GLRA3: variants seen among roughly 807,000 people sequenced by gnomAD.
The protein encoded by GLRA3 is glycine receptor subunit alpha-3.
A neutral mutation model predicts 60.4 loss-of-function variants in GLRA3; 44 were observed. The ratio of observed to expected loss-of-function variants is 0.73; its 90% CI spans 0.57 to 0.94. The LOEUF (loss-of-function observed/expected upper bound fraction) is 0.94. GLRA3 is among the 40% of genes least tolerant of loss of function. The pLI is 0.00. For missense variants in GLRA3, 508 were observed against 564.6 expected (o/e 0.90, Z 1.02); for synonymous variants, 223 against 192.9 (o/e 1.16, Z -1.29).
intron 1 of GLRA3, among the ~76,000 whole-genome samples, chr4:174,806,272 T>G (rs1033954871): frequency 1.6e-4 from 24 of 152,022 alleles, no homozygotes; most frequent in Admixed American, 1.3e-4. Flanking sequence ...AAGGTGTAAT[T>G]CCCCAAAACA....
chr4:174,745,122 G>T (rs2111180273), intron 3 of GLRA3, among the ~76,000 whole-genome samples: 1 of 152,184 alleles, frequency 6.6e-6, no homozygotes. Flanking sequence ...AAAAAAGAAT[G>T]AACAAAATCT....
At chr4:174,726,262 G>T (rs1202828769) in intron 4 of GLRA3, among the ~76,000 whole-genome samples, 1 of 152,184 alleles carries the variant, frequency 6.6e-6, no homozygotes, top group Non-Finnish European at 1.5e-5. Context: ...GCTCTGTGAG[G>T]TATGAAGCTC....
chr4:174,774,430 G>A (rs1471450983), intron 2 of GLRA3, among the ~76,000 whole-genome samples: 2 of 150,914 alleles, frequency 1.3e-5, no homozygotes, highest in African/African-American at 2.4e-5. Flanking sequence ...TTATATGTGT[G>A]GGTATATATA....
At chr4:174,713,588 C>T (rs1641289584) in intron 5 of GLRA3, 1 of 152,106 alleles carries the variant, frequency 6.6e-6, no homozygotes, top group Non-Finnish European at 1.5e-5. Context: ...TTTTCAAGTA[C>T]CTTACAAAAC....
In GLRA3 at chr4:174,637,547, A is replaced by T. The variant is rs1202059007; in HGVS notation, c.*6239T>A. 1 of 152,226 alleles carries T rather than the reference A, an allele frequency of 6.6e-6. No homozygotes were observed. Among genetic ancestry groups the T allele is most frequent in the East Asian group, 1.9e-4 (1 of 5,198 alleles). 9.4% of individuals were successfully genotyped at this position (152,226 alleles called of 1,614,324 possible). A position where few individuals can be genotyped will look rare whatever the true frequency, so the allele number is the denominator to read the frequency against. On this transcript the variant is annotated 3_prime_UTR_variant, in exon 10 of 10. Coordinates refer to ENST00000274093, the MANE Select transcript of GLRA3 (RefSeq NM_006529.4). ...GCCATTTAAGTCACAGCTCCCTAGT[A>T]TTAACCACCCAGGCTGGATACTGTG...
rs546844313 is a variant in GLRA3 at position 174,753,230 on chromosome 4, A to C, written c.267+13733T>G. ...GTCTGGCATGTTTGAATCCTTCTGA[A>C]GCATTTAGTTGGCTTGTTGTTTTGT... On this transcript the variant is annotated intron_variant, in intron 3 of 9. Transcript: ENST00000274093. Among the ~76,000 whole-genome samples, 28 of 152,232 alleles carry C rather than the reference A, an allele frequency of 1.8e-4. No homozygotes were observed. The East Asian group carries it at 5.2e-3, about 28-fold the overall frequency.
At chr4:174,747,251 G>A (rs75096508) in intron 3 of GLRA3, among the ~76,000 whole-genome samples, 1,756 of 152,230 alleles carry the variant, frequency 0.012, 21 homozygotes, top group Non-Finnish European at 0.017. Context: ...AAGAGTAGTC[G>A]ATGAAGGAAC....
intron 7 of GLRA3, among the ~76,000 whole-genome samples, chr4:174,672,043 G>T (rs922990677): frequency 6.6e-6 from 1 of 152,154 alleles, no homozygotes; most frequent in South Asian, 2.1e-4. Flanking sequence ...AGTAATCATT[G>T]ACCATAAACA....
intron 7 of GLRA3, among the ~76,000 whole-genome samples, chr4:174,666,383 C>T (rs1733663070): frequency 6.6e-6 from 1 of 151,892 alleles, no homozygotes; most frequent in Admixed American, 6.6e-5. Flanking sequence ...TGAAGCAAAA[C>T]TATTAAGATA....
intron 1 of GLRA3, among the ~76,000 whole-genome samples, chr4:174,798,194 G>T (rs1423506884): frequency 2.0e-5 from 3 of 152,114 alleles, no homozygotes; most frequent in African/African-American, 4.8e-5. Flanking sequence ...AATGACTCTT[G>T]GGGAACAAAT....
intron 3 of GLRA3, among the ~76,000 whole-genome samples, chr4:174,736,675 C>A (rs948685378): frequency 1.3e-5 from 2 of 152,014 alleles, no homozygotes; most frequent in Admixed American, 1.3e-4. Flanking sequence ...GTGTGAAGGG[C>A]CTTTTTGAGA....
intron 3 of GLRA3, among the ~76,000 whole-genome samples, chr4:174,756,134 T>C (rs1317063251): frequency 2.0e-5 from 3 of 152,158 alleles, no homozygotes; most frequent in Non-Finnish European, 4.4e-5. Context: ...ATAAAATGAC[T>C]GGCTTGGATG....
intron 2 of GLRA3, among the ~76,000 whole-genome samples, chr4:174,779,287 G>A (rs1738765875): frequency 6.6e-6 from 1 of 152,048 alleles, no homozygotes; most frequent in Non-Finnish European, 1.5e-5. Context: ...CAAACAGAAA[G>A]AACATCCACA....
intron 8 of GLRA3, among the ~76,000 whole-genome samples, chr4:174,657,741 G>A (rs545961843): frequency 6.6e-6 from 1 of 152,178 alleles, no homozygotes; most frequent in South Asian, 2.1e-4. Context: ...GGTGAGGTGA[G>A]GGAAGAAGAT....
At chr4:174,797,768 C>CA (rs943844978) in intron 1 of GLRA3, among the ~76,000 whole-genome samples, 2 of 151,308 alleles carry the variant, frequency 1.3e-5, no homozygotes, top group Admixed American at 6.6e-5. Context: ...CTCTTCTCTA[C>CA]AAAAAAATCA....
At position 174,751,295 on chromosome 4, in the gene GLRA3, T is replaced by A. The variant is rs184738792; in HGVS notation, c.267+15668A>T. ...AAGAATGAACTCCATGTAAATATTT[T>A]GAGAACAATTTTATCAAATAATGAA... On this transcript the variant is annotated intron_variant, in intron 3 of 9. Coordinates refer to ENST00000274093, the MANE Select transcript of GLRA3 (RefSeq NM_006529.4). 2.3e-3 allele frequency among the ~76,000 whole-genome samples: 357 copies of A among 152,214 alleles called. 3 individuals carry two copies. The highest frequency in any genetic ancestry group is 8.1e-3 in the African/African-American group (336 of 41,562).
chr4:174,649,842 A>C (rs554316432), intron 9 of GLRA3, among the ~76,000 whole-genome samples: 1 of 152,258 alleles, frequency 6.6e-6, no homozygotes, highest in East Asian at 1.9e-4. Context: ...TTGGTAAAAA[A>C]AAAAGTCAAA....
chr4:174,663,648 C>T (rs1410501671), intron 7 of GLRA3, among the ~76,000 whole-genome samples: 2 of 152,176 alleles, frequency 1.3e-5, no homozygotes, highest in Non-Finnish European at 2.9e-5. Flanking sequence ...AAGTCTGTTT[C>T]TCCTCCTCCA....
intron 7 of GLRA3, among the ~76,000 whole-genome samples, chr4:174,667,597 G>T (rs2110919797): frequency 6.6e-6 from 1 of 152,226 alleles, no homozygotes; most frequent in East Asian, 1.9e-4. Context: ...TAGAGTCCAG[G>T]TAGTGCTTTG....
Sources: allele counts gnomAD v4.1 joint callset (sites outside exome capture counted in the v4.1 genomes callset), GRCh38; gene constraint gnomAD v4.1.1; transcripts MANE v1.5; gene names NCBI Gene and HGNC (gene_info 2026-07-23, HGNC 2026-07-21).